Variants in CATSPERE observed in about 807,000 individuals in gnomAD.
CATSPERE encodes the protein catsper channel auxiliary subunit epsilon, also known as cation channel sperm-associated auxiliary subunit epsilon.
Under a neutral mutation model 114.1 loss-of-function variants are expected in CATSPERE, and 93 were observed. That is an observed-to-expected ratio of 0.81 (90% CI 0.69 to 0.97). The LOEUF is 0.97. Ranked by LOEUF, CATSPERE falls within the 50% of genes least tolerant of loss-of-function variation. CATSPERE has a pLI of 0.00. For synonymous variants in CATSPERE, 341 were observed against 384.1 expected (o/e 0.89, Z 1.31); for missense variants, 1,058 against 1,131.6 (o/e 0.93, Z 0.93).
intron 8 of CATSPERE, among the ~76,000 whole-genome samples, chr1:244,525,978 T>C (rs1678523935): frequency 6.6e-6 from 1 of 152,240 alleles, no homozygotes; most frequent in Non-Finnish European, 1.5e-5. Flanking sequence ...CCTCAGAGTG[T>C]TGGCCTCATC....
intron 13 of CATSPERE, among the ~76,000 whole-genome samples, chr1:244,584,540 A>ATATTATATTATATTATAT (rs548449574): frequency 0.019 from 2,219 of 118,886 alleles, 63 homozygotes; most frequent in African/African-American, 0.064. Context: ...TTACTATATT[A>ATATTATATTATATTATAT]TATATTATAT....
At chr1:244,604,519 G>A (rs1197181906) in intron 17 of CATSPERE, among the ~76,000 whole-genome samples, 1 of 152,188 alleles carries the variant, frequency 6.6e-6, no homozygotes, top group Non-Finnish European at 1.5e-5. Context: ...CACTGTCAAG[G>A]ACCTGTTATT....
chr1:244,465,276 C>T (rs1446844287), intron 2 of CATSPERE, among the ~76,000 whole-genome samples: 1 of 152,102 alleles, frequency 6.6e-6, no homozygotes, highest in Non-Finnish European at 1.5e-5. Context: ...CCTCGTGATC[C>T]ACCAGCCTCG....
At chr1:244,574,057 C>T (rs1177311721) in intron 11 of CATSPERE, among the ~76,000 whole-genome samples, 1 of 152,160 alleles carries the variant, frequency 6.6e-6, no homozygotes, top group Non-Finnish European at 1.5e-5. Context: ...AGGGCTTGTC[C>T]TTGCTACTGT....
At position 244,588,442 on chromosome 1, in the gene CATSPERE, C is replaced by T; in HGVS notation, c.2086-40C>T. 3 of 1,464,556 alleles carry T rather than the reference C, an allele frequency of 2.0e-6. No individual in the cohort carries two copies. In the Middle Eastern group the frequency reaches 5.2e-4, roughly 253 times the overall value. The allele number at this position is 1,464,556 out of a possible 1,614,324, so 90.7% of individuals were successfully genotyped here. On this transcript the variant is annotated intron_variant, in intron 13 of 21. Coordinates refer to ENST00000366534, the MANE Select transcript of CATSPERE (RefSeq NM_001130957.2). Reference sequence around the variant, plus strand: ...CTGTAATATTTTAGATCATATGAATCAGAACTGCTGAACTCACTACCTAAG... The same window carrying T: ...CTGTAATATTTTAGATCATATGAATTAGAACTGCTGAACTCACTACCTAAG...
upstream of CATSPERE, among the ~76,000 whole-genome samples, chr1:244,459,416 T>C (rs1666450660): frequency 6.6e-6 from 1 of 152,336 alleles, no homozygotes; most frequent in Non-Finnish European, 1.5e-5. Context: ...AGATCCTTCA[T>C]GGAACAGAGT....
chr1:244,566,426 T>C (rs1423493525), intron 10 of CATSPERE, among the ~76,000 whole-genome samples: 1 of 152,042 alleles, frequency 6.6e-6, no homozygotes, highest in East Asian at 1.9e-4. Context: ...CAGTGGGGTG[T>C]TTAAGTCTCC....
chr1:244,483,207 C>T lies in CATSPERE; in HGVS notation c.326+3423C>T, dbSNP rs183324475. On this transcript the variant is annotated intron_variant, in intron 5 of 21. Transcript: ENST00000366534. ...CTGGAAATTTATTAGAAGTGAAGAA[C>T]GTCAGGCCTCATTCCAGACCTATGG... is the stretch of plus-strand genomic sequence containing the variant. Among the ~76,000 whole-genome samples, 16 of 152,252 alleles carry T rather than the reference C, an allele frequency of 1.1e-4. No homozygotes were observed. In the East Asian group the frequency reaches 2.9e-3, roughly 27 times the overall value.
intron 9 of CATSPERE, among the ~76,000 whole-genome samples, chr1:244,557,532 C>CATATATATATATATATAT (rs61291602): frequency 7.4e-5 from 3 of 40,632 alleles, no homozygotes; most frequent in Non-Finnish European, 1.3e-4. Flanking sequence ...TTGAAATATT[C>CATATATATATATATATAT]ATATATATAT....
At chr1:244,486,781 G>A (rs1312477198) in intron 5 of CATSPERE, among the ~76,000 whole-genome samples, 7 of 107,990 alleles carry the variant, frequency 6.5e-5, no homozygotes, top group East Asian at 3.6e-4. Flanking sequence ...GGTCCAGCAT[G>A]TGGAGTACTC....
intron 5 of CATSPERE, among the ~76,000 whole-genome samples, chr1:244,481,543 T>C (rs1670261453): frequency 6.6e-6 from 1 of 152,176 alleles, no homozygotes; most frequent in African/African-American, 2.4e-5. Context: ...TGGGCTACTT[T>C]CTCTTCTCCC....
At chr1:244,502,441 G>C (rs887643231) in intron 7 of CATSPERE, among the ~76,000 whole-genome samples, 12 of 151,876 alleles carry the variant, frequency 7.9e-5, no homozygotes, top group Non-Finnish European at 1.6e-4. Flanking sequence ...CATTAAGTTC[G>C]TTTTCATCTA....
intron 19 of CATSPERE, among the ~76,000 whole-genome samples, chr1:244,616,918 G>A (rs1671470869): frequency 1.3e-5 from 2 of 152,204 alleles, no homozygotes; most frequent in African/African-American, 2.4e-5. Context: ...TTTAAGTAGG[G>A]TGTGAAAACA....
chr1:244,539,183 G>A (rs1207081075), intron 8 of CATSPERE, among the ~76,000 whole-genome samples: 2 of 151,902 alleles, frequency 1.3e-5, no homozygotes, highest in Non-Finnish European at 2.9e-5. Flanking sequence ...TTAGCATGAA[G>A]GGTTGTTGAA....
At chr1:244,506,872 G>A (rs1215597239) in intron 7 of CATSPERE, among the ~76,000 whole-genome samples, 1 of 151,954 alleles carries the variant, frequency 6.6e-6, no homozygotes, top group Non-Finnish European at 1.5e-5. Flanking sequence ...ATCTAACTGT[G>A]TGTTTATATC....
At chr1:244,542,103 C>T (rs1236629630) in intron 8 of CATSPERE, among the ~76,000 whole-genome samples, 1 of 146,424 alleles carries the variant, frequency 6.8e-6, no homozygotes, top group East Asian at 2.1e-4. Context: ...CACATGTATA[C>T]ATATGTAACA....
intron 17 of CATSPERE, among the ~76,000 whole-genome samples, chr1:244,599,795 A>G (rs1293202392): frequency 6.6e-6 from 1 of 152,190 alleles, no homozygotes; most frequent in Non-Finnish European, 1.5e-5. Flanking sequence ...TTTCTACACA[A>G]TGGTGAGAAG....
chr1:244,624,207 G>A (rs900626049), intron 20 of CATSPERE, among the ~76,000 whole-genome samples: 10 of 147,752 alleles, frequency 6.8e-5, no homozygotes, highest in East Asian at 4.0e-4. Flanking sequence ...TCCTGACCTC[G>A]TGATCCGCCC....
chr1:244,502,499 G>A (rs1211719517), intron 7 of CATSPERE, among the ~76,000 whole-genome samples: 1 of 152,108 alleles, frequency 6.6e-6, no homozygotes, highest in African/African-American at 2.4e-5. Context: ...TGTTCTGCCT[G>A]TGTATATTCT....
Sources: gnomAD v4.1 joint callset for allele counts (sites outside exome capture counted in the v4.1 genomes callset) on GRCh38, gnomAD v4.1.1 for gene constraint, MANE v1.5 for transcripts, NCBI Gene and HGNC (gene_info 2026-07-23, HGNC 2026-07-21) for gene names.